Variants in HUWE1 observed in about 807,000 individuals in gnomAD.
HUWE1 encodes E3 ubiquitin-protein ligase HUWE1.
In HUWE1, 18 loss-of-function variants were observed where a neutral mutation model predicts 299.4. The ratio of observed to expected loss-of-function variants is 0.06; its 90% CI spans 0.04 to 0.09. The LOEUF is 0.09. Ranked by LOEUF, HUWE1 falls within the 10% of genes least tolerant of loss-of-function variation. The probability of loss-of-function intolerance (pLI) is 1.00; values close to 1 mark genes in which losing one functional copy is unlikely to be tolerated. For synonymous variants in HUWE1, 1,317 were observed against 1,286.1 expected (o/e 1.02, Z -0.51); for missense variants, 1,832 against 3,462.3 (o/e 0.53, Z 11.82).
At chrX:53,630,190 T>A (rs1036720784) in intron 12 of HUWE1, among the ~76,000 whole-genome samples, 4 of 112,113 alleles carry the variant, frequency 3.6e-5, no homozygotes, top group African/African-American at 1.3e-4. Context: ...GAGCACCCAC[T>A]AACATGCCAG....
At position 53,566,918 on chromosome X, in the gene HUWE1, TA is replaced by T. The variant is rs1211373826; in HGVS notation, c.6708-1680del. Among the ~76,000 whole-genome samples the T allele has an allele frequency of 8.7e-3, 872 of 99,932 alleles. 4 individuals are homozygous for T. Among genetic ancestry groups the T allele is most frequent in the African/African-American group, 0.027 (750 of 27,612 alleles). The allele number at this position is 99,932 out of a possible 115,157, so 86.8% of individuals were successfully genotyped here. On this transcript the variant is annotated intron_variant, in intron 49 of 83. Coordinates refer to ENST00000262854, the MANE Select transcript of HUWE1 (RefSeq NM_031407.7). ...GATTCATCAAAACAGGAAAATGTCA[TA>T]AAAAAAAAAAATGTGACAACCAAAT...
rs2061545560 is a variant in HUWE1, at chrX:53,546,472, C to A, written c.10879G>T (p.Ala3627Ser). The change falls in exon 70 of 84, where the codon GCC becomes TCC. Residue 3627 changes from alanine (A) to serine (S), a missense_variant. By Grantham distance (99) the Ala-to-Ser change is moderately conservative. Around this residue, in one of 15 missense-constraint regions of HUWE1, gnomAD observed 48 missense variants for 87.0 expected, o/e 0.55. Coordinates refer to ENST00000262854, the MANE Select transcript of HUWE1 (RefSeq NM_031407.7). ...DTVLKLLLNG[A>S]RHLGYTLCKQ... ...CAAAGGGTATAACCCAGATGGCGGG[C>A]TCCATTCAGTAGCAGCTTGAGAACA... The A allele has an allele frequency of 8.3e-7, 1 of 1,209,035 alleles. No homozygotes were observed.
At chrX:53,669,550 C>T (rs1557048644) in intron 3 of HUWE1, among the ~76,000 whole-genome samples, 1 of 112,118 alleles carries the variant, frequency 8.9e-6, no homozygotes, top group East Asian at 2.8e-4. Context: ...AGTACTTTGC[C>T]TTCAGTCTAA....
intron 3 of HUWE1, among the ~76,000 whole-genome samples, chrX:53,673,810 TTATTC>T (rs1557050220): frequency 8.9e-6 from 1 of 111,752 alleles, no homozygotes; most frequent in African/African-American, 3.3e-5. Context: ...GATTGTTGTA[TTATTC>T]TCTGTACTTC....
At chrX:53,658,064 T>C (rs1275687814) in intron 3 of HUWE1, among the ~76,000 whole-genome samples, 7 of 19,871 alleles carry the variant, frequency 3.5e-4, no homozygotes, top group African/African-American at 9.7e-4. Context: ...AAAAAAAAAG[T>C]CAATTGCTTT....
At chrX:53,637,951 A>T (rs2067321080) in intron 7 of HUWE1, among the ~76,000 whole-genome samples, 2 of 111,624 alleles carry the variant, frequency 1.8e-5, no homozygotes, top group African/African-American at 3.2e-5. Context: ...ACTATTCAGA[A>T]TAACACTAGT....
intron 8 of HUWE1, among the ~76,000 whole-genome samples, chrX:53,633,353 C>T (rs2066993588): frequency 1.8e-5 from 2 of 112,366 alleles, no homozygotes; most frequent in South Asian, 7.3e-4. Context: ...ACACGTTAAC[C>T]TTTATGTTGT....
chrX:53,548,026 G>C lies in HUWE1; in HGVS notation c.10283C>G (p.Ala3428Gly). The C allele has an allele frequency of 8.3e-7, 1 of 1,211,089 alleles. No homozygotes were observed. The highest frequency in any genetic ancestry group is 1.1e-6 in the Non-Finnish European group (1 of 895,169). ...EGETSPYSLE[A>G]SPLGQLMNML... is the part of the protein sequence containing the mutation. ...GTTCATGAGCTGCCCCAGTGGAGAGGCCTCGAGGCTGTATGGAGAGGTTTC... is the reference window on the plus strand; with the variant it reads ...GTTCATGAGCTGCCCCAGTGGAGAGCCCTCGAGGCTGTATGGAGAGGTTTC... The change falls in exon 68 of 84, where the codon GCC becomes GGC. Residue 3428 changes from alanine (A) to glycine (G), a missense_variant. This residue lies in a region of HUWE1 where 119 missense variants were observed against 124.6 expected (regional missense o/e 0.96). Coordinates refer to ENST00000262854, the MANE Select transcript of HUWE1 (RefSeq NM_031407.7).
At chrX:53,628,447 G>C in intron 15 of HUWE1, 46 bp downstream of exon 15, 1 of 1,107,883 alleles carries the variant, frequency 9.0e-7, no homozygotes. Flanking sequence ...ACCCTTAGTT[G>C]ATTTCCCCAT....
Position 53,560,268 on chromosome X carries a change from C to G in HUWE1, c.7656G>C (p.Gln2552His), listed in dbSNP as rs1258780175. 2 of 1,208,825 alleles carry G rather than the reference C, an allele frequency of 1.7e-6. No homozygotes were observed. Among genetic ancestry groups the G allele is most frequent in the African/African-American group, 3.5e-5 (2 of 56,910 alleles). The change falls in exon 56 of 84, where the codon CAG (glutamine) becomes CAC (histidine). Residue 2552 changes from glutamine (Q) to histidine (H), a missense_variant. By Grantham distance (24) the Gln-to-His change is conservative (BLOSUM62 0). Coordinates refer to ENST00000262854, the MANE Select transcript of HUWE1 (RefSeq NM_031407.7). ...TGGTGTGGCCAGTATTGGCCGTCAGCTGCCTTAGGGTCCTCTGACTGCGCC... is the reference window on the plus strand; with the variant it reads ...TGGTGTGGCCAGTATTGGCCGTCAGGTGCCTTAGGGTCCTCTGACTGCGCC... ...GIGRSQRTLR[Q>H]LTANTGHTIH...
intron 19 of HUWE1, among the ~76,000 whole-genome samples, chrX:53,619,753 A>G: frequency 9.0e-6 from 1 of 111,662 alleles, no homozygotes; most frequent in Non-Finnish European, 1.9e-5. Flanking sequence ...AAAATTACCC[A>G]CAGATGTACT....
intron 4 of HUWE1, among the ~76,000 whole-genome samples, chrX:53,649,286 T>C (rs1469036104): frequency 8.9e-6 from 1 of 111,878 alleles, no homozygotes; most frequent in Non-Finnish European, 1.9e-5. Flanking sequence ...TATCTCCCAT[T>C]ACAGGAGCTT....
At chrX:53,535,820 TAGG>T in intron 80 of HUWE1, 2 of 381,603 alleles carry the variant, frequency 5.2e-6, no homozygotes, top group Non-Finnish European at 9.2e-6. Flanking sequence ...GAAAAGAATT[TAGG>T]AGAAGAGTAA....
rs782786640 is a variant in HUWE1 at position 53,543,973 on chromosome X, G to A, written c.11252-5C>T. The A allele has an allele frequency of 5.1e-6, 6 of 1,184,662 alleles. No individual in the cohort carries two copies. The Admixed American group carries it at 1.1e-4, about 22-fold the overall frequency. ...CTGAGCCTAAACCGGAGGAACCTGG[G>A]AGAAAGAGAAAGAGGAAGGCAAGAT... On this transcript the variant is annotated splice_polypyrimidine_tract_variant and splice_region_variant and intron_variant, in intron 72 of 83. Transcript: ENST00000262854.
chrX:53,542,294 A>G (rs915596850), intron 74 of HUWE1, 149 bp downstream of exon 74: 13 of 504,347 alleles, frequency 2.6e-5, no homozygotes, highest in Non-Finnish European at 4.2e-5. Context: ...TTGGTTGTCA[A>G]ACACCTGTCA....
chrX:53,558,088 G>T (rs2062111254), intron 59 of HUWE1, among the ~76,000 whole-genome samples: 1 of 111,927 alleles, frequency 8.9e-6, no homozygotes, highest in Non-Finnish European at 1.9e-5. Flanking sequence ...ACATTTAAAA[G>T]ATCTCTGTCT....
intron 43 of HUWE1, among the ~76,000 whole-genome samples, chrX:53,578,875 G>A (rs868972086): frequency 4.2e-5 from 3 of 71,746 alleles, no homozygotes; most frequent in African/African-American, 1.1e-4. Flanking sequence ...CCCCCCGCCC[G>A]GCCAGCCGCC....
chrX:53,617,213 A>G (rs868907262), intron 20 of HUWE1, 66 bp from the exon 21 acceptor site: 1 of 1,065,492 alleles, frequency 9.4e-7, no homozygotes, highest in African/African-American at 1.8e-5. Flanking sequence ...AAATCCGGCC[A>G]TGGGTATCAA....
At chrX:53,568,576 A>C (rs1449155476) in intron 49 of HUWE1, 116 bp downstream of exon 49, 10 of 604,979 alleles carry the variant, frequency 1.7e-5, no homozygotes, top group South Asian at 1.3e-4. Flanking sequence ...CACAATAAGA[A>C]AGACTTGGGT....
Sources: allele counts gnomAD v4.1 joint callset (sites outside exome capture counted in the v4.1 genomes callset), GRCh38; gene constraint gnomAD v4.1.1; regional missense constraint gnomAD v4.1.1; transcripts MANE v1.5; gene names NCBI Gene and HGNC (gene_info 2026-07-23, HGNC 2026-07-21).